The following ZNF180 variants were observed in gnomAD, a reference collection of about 807,000 sequenced individuals.
The protein encoded by ZNF180 is zinc finger protein 180.
A neutral mutation model predicts 11.8 loss-of-function variants in ZNF180; 11 were observed. That is an observed-to-expected ratio of 0.93 (90% CI 0.59 to 1.55). ZNF180 has a LOEUF of 1.55. Among genes scored for constraint, ZNF180 ranks in the 40% most tolerant of loss-of-function variants. ZNF180 has a pLI of 0.00. For missense variants in ZNF180, 773 were observed against 781.7 expected (o/e 0.99, Z 0.13); for synonymous variants, 287 against 257.7 (o/e 1.11, Z -1.09).
rs201876024 is a variant in ZNF180 at position 44,477,233 on chromosome 19, T to C, written c.1167A>G (p.Lys389=). 1.2e-6 allele frequency: 2 copies of C among 1,614,136 alleles called. No individual in the cohort carries two copies. Among genetic ancestry groups the C allele is most frequent in the East Asian group, 2.2e-5 (1 of 44,884 alleles). The change falls in exon 5 of 5, where the codon AAA becomes AAG. Residue 389 remains lysine (K), a synonymous_variant. Transcript: ENST00000592529. ...EKPYRCNQCG[K]SFSQSYVLVV... ...CAAGGACATAACTCTGGCTAAAGGA[T>C]TTCCCACATTGATTACACCTGTAAG...
rs368668361 is a variant in ZNF180, at chr19:44,477,300, G to A, written c.1100C>T (p.Ser367Leu). 2.3e-4 allele frequency: 371 copies of A among 1,612,324 alleles called. No homozygotes were observed. The highest frequency in any genetic ancestry group is 3.0e-4 in the Non-Finnish European group (359 of 1,178,884). Residue 367 changes from serine (S) to leucine (L), a missense_variant, in exon 5 of 5, where the codon TCG becomes TTG. By Grantham distance (145) the Ser-to-Leu change is moderately radical (BLOSUM62 -2). Coordinates refer to ENST00000592529, the MANE Select transcript of ZNF180 (RefSeq NM_001278509.3). ...AGTTCTCTGATGGGAAACAAGGTGC[G>A]AGCTCCGGCTGAAGGATTTTCCACA... ...SECGKSFSRS[S>L]HLVSHQRTHT... is the part of the protein sequence containing the mutation.
chr19:44,492,256 G>A (rs979318145), intron 2 of ZNF180, among the ~76,000 whole-genome samples: 4 of 152,148 alleles, frequency 2.6e-5, no homozygotes, highest in Admixed American at 1.3e-4. Flanking sequence ...CCTCAGTATT[G>A]AGTAGGAGCA....
At position 44,476,440 on chromosome 19, in the gene ZNF180, C is replaced by T. The variant is rs1343865070; in HGVS notation, c.1960G>A (p.Ala654Thr). 1 of 1,608,384 alleles carries T rather than the reference C, an allele frequency of 6.2e-7. No individual in the cohort carries two copies. Among genetic ancestry groups the T allele is most frequent in the Admixed American group, 1.7e-5 (1 of 59,526 alleles). The part of the protein sequence containing the change: ...INSYKLIRHQ[A>T]THTEEKLYEC... Reference sequence around the variant, plus strand: ...TAGAGTTTCTCTTCAGTATGAGTTGCCTGATGCCTAATAAGTTTATAGCTA... The same window carrying T: ...TAGAGTTTCTCTTCAGTATGAGTTGTCTGATGCCTAATAAGTTTATAGCTA... The change falls in exon 5 of 5, where the codon GCA becomes ACA. Residue 654 changes from alanine (A) to threonine (T), a missense_variant. Coordinates refer to ENST00000592529, the MANE Select transcript of ZNF180 (RefSeq NM_001278509.3).
intron 2 of ZNF180, among the ~76,000 whole-genome samples, chr19:44,494,318 C>T (rs1970523341): frequency 6.6e-6 from 1 of 152,062 alleles, no homozygotes; most frequent in African/African-American, 2.4e-5. Context: ...CATTAAGAGT[C>T]CCAGAAAACA....
At chr19:44,482,122 A>G (rs950625937) in intron 3 of ZNF180, among the ~76,000 whole-genome samples, 3 of 152,192 alleles carry the variant, frequency 2.0e-5, no homozygotes, top group East Asian at 1.9e-4. Flanking sequence ...CCTGGGCAAC[A>G]TGGTGAAACC....
chr19:44,487,259 AG>A (rs1970253329), intron 2 of ZNF180, among the ~76,000 whole-genome samples: 1 of 152,218 alleles, frequency 6.6e-6, no homozygotes, highest in Non-Finnish European at 1.5e-5. Context: ...ATTTAAAGGT[AG>A]GAAAGGATTC....
At chr19:44,493,412 G>A (rs975515240) in intron 2 of ZNF180, among the ~76,000 whole-genome samples, 3 of 152,194 alleles carry the variant, frequency 2.0e-5, no homozygotes, top group Admixed American at 1.3e-4. Context: ...CGTGGCCTTC[G>A]TTCAAAGCAA....
intron 3 of ZNF180, among the ~76,000 whole-genome samples, chr19:44,483,995 C>CTT (rs66671115): frequency 3.7e-5 from 5 of 136,848 alleles, no homozygotes; most frequent in Non-Finnish European, 7.7e-5. Flanking sequence ...TTCTTTCTTT[C>CTT]TTTTTTTTTT....
In ZNF180 at chr19:44,477,325, A is replaced by C. The variant is rs1969936455; in HGVS notation, c.1075T>G (p.Cys359Gly). The C allele has an allele frequency of 2.5e-6, 4 of 1,612,256 alleles. No individual in the cohort carries two copies. The East Asian group carries it at 8.9e-5, about 36-fold the overall frequency. Residue 359 changes from cysteine to glycine, a missense_variant, in exon 5 of 5, where the codon TGT becomes GGT. Cys to Gly is a radical substitution (Grantham distance 159). Transcript: ENST00000592529. The part of the protein sequence containing the change: ...TGEKPYECSE[C>G]GKSFSRSSHL... ...GAGCTCCGGCTGAAGGATTTTCCAC[A>C]TTCACTACATTCATAAGGTTTCTCC...
chr19:44,499,758 C>T (rs1349198491), intron 1 of ZNF180, among the ~76,000 whole-genome samples: 1 of 152,174 alleles, frequency 6.6e-6, no homozygotes, highest in East Asian at 1.9e-4. Flanking sequence ...AACCACAGCG[C>T]CCCCAGACCT....
rs1392213945 is a variant in ZNF180 at position 44,477,684 on chromosome 19, G to A, written c.716C>T (p.Thr239Ile). ...TCCATAGGATTTATCTTTTGTTTGAGTTCTTGTAAACTGAATAAGGTGAAT... is the reference window on the plus strand; with the variant it reads ...TCCATAGGATTTATCTTTTGTTTGAATTCTTGTAAACTGAATAAGGTGAAT... ...QSIHLIQFTR[T>I]QTKDKSYGFS... The change falls in exon 5 of 5, where the codon ACT (threonine) becomes ATT (isoleucine). Residue 239 changes from threonine (T) to isoleucine (I), a missense_variant. Transcript: ENST00000592529. The A allele has an allele frequency of 6.2e-7, 1 of 1,613,924 alleles. No homozygotes were observed. The highest frequency in any genetic ancestry group is 8.5e-7 in the Non-Finnish European group (1 of 1,179,896).
intron 2 of ZNF180, 167 bp from the exon 3 acceptor site, chr19:44,484,602 T>C: frequency 3.2e-6 from 2 of 628,908 alleles, no homozygotes; most frequent in Non-Finnish European, 5.8e-6. Flanking sequence ...GCTAACCATG[T>C]GGAGAGAGAG....
At position 44,495,379 on chromosome 19, in the gene ZNF180, G is replaced by A. The variant is rs1307506514; in HGVS notation, c.51+1905C>T. On this transcript the variant is annotated intron_variant, in intron 2 of 4. Transcript: ENST00000592529. This position sits in a 1 kb window ranked among gnomAD's most constrained non-coding sequence, Gnocchi z 4.5. ...TCTCAGACTCACTCCTCTGCCACTT[G>A]GACTTGGACAGCCCACGTCAGGCCA... is the stretch of plus-strand genomic sequence containing the variant. 6.6e-6 allele frequency among the ~76,000 whole-genome samples: 1 copy of A among 151,856 alleles called. No homozygotes were observed. The highest frequency in any genetic ancestry group is 1.5e-5 in the Non-Finnish European group (1 of 67,940).
At chr19:44,486,379 T>C (rs1188886861) in intron 2 of ZNF180, among the ~76,000 whole-genome samples, 2 of 152,200 alleles carry the variant, frequency 1.3e-5, no homozygotes, top group Non-Finnish European at 2.9e-5. Flanking sequence ...TTATTTTAAT[T>C]AAATATTTGG....
chr19:44,477,924 T>C lies in ZNF180; in HGVS notation c.476A>G (p.His159Arg). Residue 159 changes from histidine (H) to arginine (R), a missense_variant, in exon 5 of 5, where the codon CAT (histidine) becomes CGT (arginine). Coordinates refer to ENST00000592529, the MANE Select transcript of ZNF180 (RefSeq NM_001278509.3). ...VAFTQRKAVI[H>R]ERVCKSDETG... ...TTCATCACTTTTGCAGACTCTCTCATGAATAACTGCTTTCCTTTGAGTGAA... is the reference window on the plus strand; with the variant it reads ...TTCATCACTTTTGCAGACTCTCTCACGAATAACTGCTTTCCTTTGAGTGAA... 2 of 1,614,032 alleles carry C rather than the reference T, an allele frequency of 1.2e-6. No individual in the cohort carries two copies. The highest frequency in any genetic ancestry group is 1.7e-6 in the Non-Finnish European group (2 of 1,179,984).
intron 3 of ZNF180, among the ~76,000 whole-genome samples, chr19:44,483,042 T>C (rs930964601): frequency 8.5e-5 from 13 of 152,218 alleles, no homozygotes; most frequent in Non-Finnish European, 1.8e-4. Context: ...CACTCCACCT[T>C]TTGAATCACA....
intron 2 of ZNF180, among the ~76,000 whole-genome samples, chr19:44,487,083 C>T (rs1239825041): frequency 2.0e-5 from 3 of 151,472 alleles, no homozygotes; most frequent in Non-Finnish European, 2.9e-5. Flanking sequence ...AAGCCAGGCA[C>T]GGTGGTATGT....
intron 1 of ZNF180, 62 bp from the exon 2 acceptor site, chr19:44,497,439 C>T (rs909747152): frequency 5.6e-5 from 81 of 1,452,442 alleles, no homozygotes; most frequent in Admixed American, 7.4e-5. Context: ...GGGCCCCCCA[C>T]CCCCATTAGC....
Position 44,475,904 on chromosome 19 carries a change from T to A in ZNF180, c.*498A>T. 1 of 152,696 alleles carries A rather than the reference T, an allele frequency of 6.5e-6. No individual in the cohort carries two copies. Among genetic ancestry groups the A allele is most frequent in the East Asian group, 1.9e-4 (1 of 5,208 alleles). 9.5% of individuals were successfully genotyped at this position (152,696 alleles called of 1,614,324 possible). On this transcript the variant is annotated 3_prime_UTR_variant, in exon 5 of 5. Coordinates refer to ENST00000592529, the MANE Select transcript of ZNF180 (RefSeq NM_001278509.3). ...CTTCACATGTAACAACAGCAAGTGC[T>A]GTAAGGAACAGATTACAAGCTATCT... is the stretch of plus-strand genomic sequence containing the variant.
Sources: gnomAD v4.1 joint callset for allele counts (sites outside exome capture counted in the v4.1 genomes callset) on GRCh38, gnomAD v4.1.1 for gene constraint, Gnocchi (gnomAD v3.1) non-coding constraint, MANE v1.5 for transcripts, NCBI Gene and HGNC (gene_info 2026-07-23, HGNC 2026-07-21) for gene names.